PAK5: variants seen among roughly 807,000 people sequenced by gnomAD.
The protein encoded by PAK5 is p21 (RAC1) activated kinase 5.
PAK5 carries 16 observed loss-of-function variants against 65.9 expected under a neutral mutation model. The observed-to-expected ratio is 0.24, with a 90% CI of 0.16 to 0.37. PAK5 has a LOEUF of 0.37. Ranked by LOEUF, PAK5 falls within the 10% of genes least tolerant of loss-of-function variation. The pLI, the probability that PAK5 is intolerant of heterozygous loss-of-function variation, is 1.00. For missense variants in PAK5, 785 were observed against 903.9 expected, an observed-to-expected ratio of 0.87 and a Z score of 1.69; for synonymous variants, 371 against 354.9, an observed-to-expected ratio of 1.05 and a Z score of -0.51.
At chr20:9,555,681 T>C (rs1279122922) in intron 7 of PAK5, among the ~76,000 whole-genome samples, 2 of 152,202 alleles carry the variant, frequency 1.3e-5, no homozygotes, top group African/African-American at 4.8e-5. Context: ...TCCACATCCC[T>C]TTGCAATGTG....
chr20:9,621,794 C>A (rs187907761), intron 3 of PAK5, among the ~76,000 whole-genome samples: 40 of 152,250 alleles, frequency 2.6e-4, no homozygotes, highest in Admixed American at 2.3e-3. Context: ...CGGTGTTATG[C>A]CTTTCTTTGG....
intron 7 of PAK5, among the ~76,000 whole-genome samples, chr20:9,548,096 C>A (rs567661209): frequency 1.9e-4 from 29 of 152,298 alleles, no homozygotes; most frequent in African/African-American, 7.0e-4. Context: ...TAATCTGGTG[C>A]CTTTTCGTGT....
intron 3 of PAK5, among the ~76,000 whole-genome samples, chr20:9,584,805 A>T (rs1165291014): frequency 6.6e-6 from 1 of 152,234 alleles, no homozygotes; most frequent in African/African-American, 2.4e-5. Flanking sequence ...TTGGACAGAA[A>T]TTATACTCTT....
At chr20:9,738,167 A>T (rs977731002) in intron 1 of PAK5, among the ~76,000 whole-genome samples, 2 of 151,888 alleles carry the variant, frequency 1.3e-5, no homozygotes, top group African/African-American at 4.8e-5. Flanking sequence ...ACAAACAAAC[A>T]AACAAAAAAA....
At chr20:9,579,058 G>T (rs2045934682) in intron 4 of PAK5, among the ~76,000 whole-genome samples, 1 of 152,194 alleles carries the variant, frequency 6.6e-6, no homozygotes, top group South Asian at 2.1e-4. Flanking sequence ...CTTGGATGAG[G>T]TTAATGAGAA....
chr20:9,718,486 A>T (rs1020812513), intron 1 of PAK5, among the ~76,000 whole-genome samples: 1 of 151,908 alleles, frequency 6.6e-6, no homozygotes, highest in African/African-American at 2.4e-5. Flanking sequence ...TTAGGAAAAT[A>T]GCATTTTGTC....
At chr20:9,817,750 A>G (rs990161290) in intron 1 of PAK5, among the ~76,000 whole-genome samples, 5 of 152,164 alleles carry the variant, frequency 3.3e-5, no homozygotes, top group African/African-American at 4.8e-5. Context: ...AGGGTCTACA[A>G]TCCATGCTTG....
At chr20:9,763,110 AG>A (rs2123652753) in intron 1 of PAK5, among the ~76,000 whole-genome samples, 1 of 152,194 alleles carries the variant, frequency 6.6e-6, no homozygotes, top group African/African-American at 2.4e-5. Context: ...CCTGGGGCTG[AG>A]GGGAAGGGGA....
chr20:9,602,735 A>C (rs1312213814), intron 3 of PAK5, among the ~76,000 whole-genome samples: 1 of 152,168 alleles, frequency 6.6e-6, no homozygotes, highest in Admixed American at 6.5e-5. Flanking sequence ...TGAACACAGA[A>C]AGGATCCTCT....
At chr20:9,612,950 A>G (rs991663020) in intron 3 of PAK5, among the ~76,000 whole-genome samples, 1 of 152,048 alleles carries the variant, frequency 6.6e-6, no homozygotes, top group African/African-American at 2.4e-5. Context: ...TTTACCTATT[A>G]TTCAATCCCT....
At chr20:9,802,446 G>A (rs764577229) in intron 1 of PAK5, among the ~76,000 whole-genome samples, 1 of 152,078 alleles carries the variant, frequency 6.6e-6, no homozygotes, top group Non-Finnish European at 1.5e-5. Context: ...GCACACATCT[G>A]CTTTCCTATG....
chr20:9,558,043 T>TATTTATTTATTTATTCATTC lies in PAK5; in HGVS notation c.1617-310_1617-309insGAATGAATAAATAAATAAAT, dbSNP rs55861453. Among the ~76,000 whole-genome samples the TATTTATTTATTTATTCATTC allele has an allele frequency of 3.1e-3, 434 of 138,920 alleles. 2 individuals are homozygous for TATTTATTTATTTATTCATTC. The highest frequency in any genetic ancestry group is 6.2e-3 in the African/African-American group (211 of 34,012). 91.1% of individuals were successfully genotyped at this position (138,920 alleles called of 152,430 possible). ...TTATTTATTTATTTATTTATTTATT[T>TATTTATTTATTTATTCATTC]ATTCATTCATTCATTCATTCATTCA... On this transcript the variant is annotated intron_variant, in intron 6 of 9. Transcript: ENST00000353224.
At chr20:9,732,454 G>T (rs2048344207) in intron 1 of PAK5, among the ~76,000 whole-genome samples, 1 of 152,106 alleles carries the variant, frequency 6.6e-6, no homozygotes. Context: ...AAAACACAAA[G>T]TAGAAAAAAA....
intron 3 of PAK5, among the ~76,000 whole-genome samples, chr20:9,635,598 C>G (rs2046974059): frequency 6.6e-6 from 1 of 152,122 alleles, no homozygotes; most frequent in Non-Finnish European, 1.5e-5. Context: ...TTTCCAAGGT[C>G]TTCTCCTGGC....
chr20:9,771,908 C>A (rs1314048369), intron 1 of PAK5, among the ~76,000 whole-genome samples: 1 of 152,056 alleles, frequency 6.6e-6, no homozygotes, highest in Non-Finnish European at 1.5e-5. Context: ...TGTGCTGGTA[C>A]ATGCCCATGG....
intron 1 of PAK5, among the ~76,000 whole-genome samples, chr20:9,821,513 G>A (rs979718799): frequency 1.3e-5 from 2 of 152,048 alleles, no homozygotes; most frequent in Non-Finnish European, 2.9e-5. Flanking sequence ...TCACTGATAT[G>A]ACCTAACTTT....
chr20:9,779,922 A>G (rs559442151), intron 1 of PAK5, among the ~76,000 whole-genome samples: 1 of 152,220 alleles, frequency 6.6e-6, no homozygotes, highest in African/African-American at 2.4e-5. Context: ...ATGTATAATA[A>G]TGATTTGTAC....
chr20:9,713,798 A>C (rs1297879520), intron 1 of PAK5, among the ~76,000 whole-genome samples: 1 of 152,104 alleles, frequency 6.6e-6, no homozygotes, highest in Non-Finnish European at 1.5e-5. Flanking sequence ...GGAGCTAAAA[A>C]AATGTAGACC....
chr20:9,539,515 C>T lies in PAK5; in HGVS notation c.2107G>A (p.Ala703Thr). The T allele has an allele frequency of 2.5e-6, 4 of 1,613,962 alleles. No homozygotes were observed. ...ELLGHPFLKL[A>T]GPPSCIVPLM... ...GGGACGATGCAAGACGGTGGACCTG[C>T]TAGTTTTAAGAATGGATGTCCGAGG... is the stretch of plus-strand genomic sequence containing the variant. Residue 703 changes from alanine (A) to threonine (T), a missense_variant, in exon 10 of 10, where the codon GCA becomes ACA. Physicochemically the swap from Ala to Thr is moderately conservative, Grantham distance 58. This residue lies in a region of PAK5 where 110 missense variants were observed against 107.4 expected (regional missense o/e 1.02). Transcript: ENST00000353224.
Sources: allele counts gnomAD v4.1 joint callset (sites outside exome capture counted in the v4.1 genomes callset), GRCh38; gene constraint gnomAD v4.1.1; regional missense constraint gnomAD v4.1.1; transcripts MANE v1.5; gene names NCBI Gene and HGNC (gene_info 2026-07-23, HGNC 2026-07-21).